Variants in CALHM5 observed in about 807,000 individuals in gnomAD.
CALHM5 encodes the protein calcium homeostasis modulator family member 5, also known as calcium homeostasis modulator protein 5.
Under a neutral mutation model 20.9 loss-of-function variants are expected in CALHM5, and 17 were observed. The observed-to-expected ratio is 0.82, with a 90% CI of 0.56 to 1.22. CALHM5 has a LOEUF of 1.22. Among genes scored for constraint, CALHM5 ranks in the 50% most tolerant of loss-of-function variants. CALHM5 has a pLI of 0.00. For synonymous variants in CALHM5, 148 were observed against 140.0 expected (o/e 1.06, Z -0.40); for missense variants, 360 against 364.6 (o/e 0.99, Z 0.10).
chr6:116,514,567 G>A (rs774608924), intron 1 of CALHM5, among the ~76,000 whole-genome samples: 19 of 152,134 alleles, frequency 1.2e-4, no homozygotes, highest in Admixed American at 3.9e-4. Context: ...AGTAACCCTC[G>A]TTTCACAAGT....
Position 116,516,733 on chromosome 6 carries a change from A to G in CALHM5, c.*744A>G, listed in dbSNP as rs1053427485. Reference sequence around the variant, plus strand: ...TACACACACACAGAAATATATATTTATAACTGCATTGATAAAAGGTGAATA... The same window carrying G: ...TACACACACACAGAAATATATATTTGTAACTGCATTGATAAAAGGTGAATA... On this transcript the variant is annotated 3_prime_UTR_variant, in exon 2 of 2. Coordinates refer to ENST00000368599, the MANE Select transcript of CALHM5 (RefSeq NM_153711.5). 1.4e-5 allele frequency: 2 copies of G among 145,632 alleles called. No individual in the cohort carries two copies. The highest frequency in any genetic ancestry group is 3.0e-5 in the Non-Finnish European group (2 of 66,298). The allele number at this position is 145,632 out of a possible 1,614,324, so 9.0% of individuals were successfully genotyped here. A position where few individuals can be genotyped will look rare whatever the true frequency, so the allele number is the denominator to read the frequency against.
At position 116,516,213 on chromosome 6, in the gene CALHM5, G is replaced by A; in HGVS notation, c.*224G>A. On this transcript the variant is annotated 3_prime_UTR_variant, in exon 2 of 2. Transcript: ENST00000368599. ...AAGGTGCTCTTGCATTGGTGGAGAGGGGCTCAGTAGGCCTAAATGTTGCTC... is the reference window on the plus strand; with the variant it reads ...AAGGTGCTCTTGCATTGGTGGAGAGAGGCTCAGTAGGCCTAAATGTTGCTC... The A allele has an allele frequency of 2.2e-6, 1 of 448,962 alleles. No individual in the cohort carries two copies. The highest frequency in any genetic ancestry group is 4.1e-5 in the Admixed American group (1 of 24,572). 27.8% of individuals were successfully genotyped at this position (448,962 alleles called of 1,614,324 possible).
Position 116,518,803 on chromosome 6 carries a change from T to C in CALHM5, c.*2814T>C, listed in dbSNP as rs1019731738. 2.6e-5 allele frequency: 4 copies of C among 152,264 alleles called. No individual in the cohort carries two copies. The highest frequency in any genetic ancestry group is 9.6e-5 in the African/African-American group (4 of 41,576). The allele number at this position is 152,264 out of a possible 1,614,324, so 9.4% of individuals were successfully genotyped here. On this transcript the variant is annotated 3_prime_UTR_variant, in exon 2 of 2. Transcript: ENST00000368599. ...CTCAAAAAACTTACGCTCATGACAA[T>C]GACTGCCTCATTCAAGAAAACCCAA...
rs1227581544 is a variant in CALHM5 at position 116,512,123 on chromosome 6, A to G, written c.427A>G (p.Lys143Glu). Residue 143 changes from lysine (K) to glutamate (E), a missense_variant, in exon 1 of 2, where the codon AAG (lysine) becomes GAG (glutamate). Physicochemically the swap from Lys to Glu is moderately conservative, Grantham distance 56 (BLOSUM62 1). Coordinates refer to ENST00000368599, the MANE Select transcript of CALHM5 (RefSeq NM_153711.5). Reference protein sequence around the residue: ...RSSGLLELICKGKPKECWEEL... With the variant: ...RSSGLLELICEGKPKECWEEL... The stretch of plus-strand genomic sequence containing the variant: ...TTCAGGACTCCTGGAACTGATTTGC[A>G]AGGGTAAGCCCAAAGAGTGCTGGGA... 10 of 1,613,900 alleles carry G rather than the reference A, an allele frequency of 6.2e-6. No individual in the cohort carries two copies. Among genetic ancestry groups the G allele is most frequent in the Non-Finnish European group, 8.5e-6 (10 of 1,179,998 alleles).
chr6:116,514,547 C>T (rs1480317336), intron 1 of CALHM5, among the ~76,000 whole-genome samples: 1 of 152,180 alleles, frequency 6.6e-6, no homozygotes, highest in Non-Finnish European at 1.5e-5. Flanking sequence ...TCAAATTACC[C>T]TTCAAGGTGA....
At position 116,524,481 on chromosome 6, in the gene CALHM5, G is replaced by A. The variant is rs1562343878; in HGVS notation, c.*8492G>A. Reference sequence around the variant, plus strand: ...CCTGTTGGCCTGTTCTCGAATTGAAGGACAGCTTGTCTGGTTCATACTTTC... The same window carrying A: ...CCTGTTGGCCTGTTCTCGAATTGAAAGACAGCTTGTCTGGTTCATACTTTC... On this transcript the variant is annotated 3_prime_UTR_variant, in exon 2 of 2. Coordinates refer to ENST00000368599, the MANE Select transcript of CALHM5 (RefSeq NM_153711.5). 1 of 152,132 alleles carries A rather than the reference G, an allele frequency of 6.6e-6. No individual in the cohort carries two copies. Among genetic ancestry groups the A allele is most frequent in the Non-Finnish European group, 1.5e-5 (1 of 68,016 alleles). The allele number at this position is 152,132 out of a possible 1,614,324, so 9.4% of individuals were successfully genotyped here. A position where few individuals can be genotyped will look rare whatever the true frequency, so the allele number is the denominator to read the frequency against.
intron 1 of CALHM5, among the ~76,000 whole-genome samples, chr6:116,514,643 C>G (rs772960328): frequency 2.0e-5 from 3 of 152,158 alleles, no homozygotes; most frequent in Non-Finnish European, 4.4e-5. Flanking sequence ...CTGAGTAGTG[C>G]CAGTCCAGAG....
chr6:116,513,083 A>G (rs1030173968), intron 1 of CALHM5, among the ~76,000 whole-genome samples: 3 of 152,198 alleles, frequency 2.0e-5, no homozygotes, highest in African/African-American at 7.2e-5. Flanking sequence ...TTGCATTCCC[A>G]AAAGCAAAAC....
At chr6:116,513,537 T>A (rs13217264) in intron 1 of CALHM5, among the ~76,000 whole-genome samples, 58,161 of 152,052 alleles carry the variant, frequency 0.38, 12,750 homozygotes, top group East Asian at 0.56. Context: ...CAAGGAAATC[T>A]TGCACATCAT....
At chr6:116,514,592 A>G (rs1015372199) in intron 1 of CALHM5, among the ~76,000 whole-genome samples, 1 of 152,222 alleles carries the variant, frequency 6.6e-6, no homozygotes, top group African/African-American at 2.4e-5. Flanking sequence ...AAACTGAGAT[A>G]AAAAGAATAC....
chr6:116,513,827 G>T (rs1346938351), intron 1 of CALHM5, among the ~76,000 whole-genome samples: 3 of 152,214 alleles, frequency 2.0e-5, no homozygotes, highest in Non-Finnish European at 4.4e-5. Context: ...AAGATAGAAT[G>T]GAGTAGTGGA....
In CALHM5 at chr6:116,517,496, G is replaced by T. The variant is rs1297819768; in HGVS notation, c.*1507G>T. ...GTGCTGTGGCTCATACCTTACAGTG[G>T]TAGTCTATGTCTCTTAGTTTGAGAA... On this transcript the variant is annotated 3_prime_UTR_variant, in exon 2 of 2. Coordinates refer to ENST00000368599, the MANE Select transcript of CALHM5 (RefSeq NM_153711.5). The T allele has an allele frequency of 6.6e-6, 1 of 152,096 alleles. No homozygotes were observed. The highest frequency in any genetic ancestry group is 6.6e-5 in the Admixed American group (1 of 15,262). The allele number at this position is 152,096 out of a possible 1,614,324, so 9.4% of individuals were successfully genotyped here.
intron 1 of CALHM5, among the ~76,000 whole-genome samples, chr6:116,513,885 C>T (rs1772172635): frequency 6.6e-6 from 1 of 152,148 alleles, no homozygotes; most frequent in Non-Finnish European, 1.5e-5. Context: ...TATGCTGATG[C>T]TACCAATCAC....
rs1772127545 is a variant in CALHM5 at position 116,511,874 on chromosome 6, T to A, written c.178T>A (p.Trp60Arg). ...GCTGGTTTTCCTCTTTGCTCCTGCC[T>A]GGGTGTTACTGATCCTGGGATTCTT... ...YGLVFLFAPAWVLLILGFFLN... is the reference protein window; with the variant it reads ...YGLVFLFAPARVLLILGFFLN... The change falls in exon 1 of 2, where the codon TGG becomes AGG. Residue 60 changes from tryptophan to arginine, a missense_variant. By Grantham distance (101) the Trp-to-Arg change is moderately radical. Transcript: ENST00000368599. 2 of 1,613,988 alleles carry A rather than the reference T, an allele frequency of 1.2e-6. No individual in the cohort carries two copies. The highest frequency in any genetic ancestry group is 1.7e-6 in the Non-Finnish European group (2 of 1,180,010).
Position 116,519,337 on chromosome 6 carries a change from G to T in CALHM5, c.*3348G>T, listed in dbSNP as rs960285239. 6.6e-6 allele frequency: 1 copy of T among 152,156 alleles called. No individual in the cohort carries two copies. The highest frequency in any genetic ancestry group is 2.4e-5 in the African/African-American group (1 of 41,432). 9.4% of individuals were successfully genotyped at this position (152,156 alleles called of 1,614,324 possible). A position where few individuals can be genotyped will look rare whatever the true frequency, so the allele number is the denominator to read the frequency against. On this transcript the variant is annotated 3_prime_UTR_variant, in exon 2 of 2. Transcript: ENST00000368599. ...ACTTCAGCCTCAGCTTGACCTATGGGGGGGCTCTGGAATGTCAGATTTCTC... is the reference window on the plus strand; with the variant it reads ...ACTTCAGCCTCAGCTTGACCTATGGTGGGGCTCTGGAATGTCAGATTTCTC...
In CALHM5 at chr6:116,517,150, C is replaced by T. The variant is rs1583271818; in HGVS notation, c.*1161C>T. 6.6e-6 allele frequency: 1 copy of T among 152,126 alleles called. No homozygotes were observed. The highest frequency in any genetic ancestry group is 3.4e-3 in the Middle Eastern group (1 of 296). The allele number at this position is 152,126 out of a possible 1,614,324, so 9.4% of individuals were successfully genotyped here. A position where few individuals can be genotyped will look rare whatever the true frequency, so the allele number is the denominator to read the frequency against. ...TTCCTGGAGGCTCCACCTTCATGAC[C>T]CAATTACTTCTCAAGGCTCTGCTTC... On this transcript the variant is annotated 3_prime_UTR_variant, in exon 2 of 2. Transcript: ENST00000368599.
rs1011895051 is a variant in CALHM5 at position 116,524,251 on chromosome 6, C to T, written c.*8262C>T. On this transcript the variant is annotated 3_prime_UTR_variant, in exon 2 of 2. Transcript: ENST00000368599. ...AACTATTGAAGCTGGATGGTAGGTA[C>T]ACGGAATTCATTACATTATTCTCTT... 1.3e-5 allele frequency: 2 copies of T among 152,156 alleles called. No individual in the cohort carries two copies. The highest frequency in any genetic ancestry group is 4.8e-5 in the African/African-American group (2 of 41,432). The allele number at this position is 152,156 out of a possible 1,614,324, so 9.4% of individuals were successfully genotyped here.
rs1051867242 is a variant in CALHM5 at position 116,522,514 on chromosome 6, C to T, written c.*6525C>T. 6.6e-6 allele frequency: 1 copy of T among 152,008 alleles called. No homozygotes were observed. Among genetic ancestry groups the T allele is most frequent in the African/African-American group, 2.4e-5 (1 of 41,382 alleles). 9.4% of individuals were successfully genotyped at this position (152,008 alleles called of 1,614,324 possible). A position where few individuals can be genotyped will look rare whatever the true frequency, so the allele number is the denominator to read the frequency against. Reference sequence around the variant, plus strand: ...TCATGTTTTCTTTTTCTTTAGGTTCCAGTTAGCAGTATAGCATCTACAGCA... The same window carrying T: ...TCATGTTTTCTTTTTCTTTAGGTTCTAGTTAGCAGTATAGCATCTACAGCA... On this transcript the variant is annotated 3_prime_UTR_variant, in exon 2 of 2. Transcript: ENST00000368599.
chr6:116,524,147 A>G lies in CALHM5; in HGVS notation c.*8158A>G, dbSNP rs989361555. On this transcript the variant is annotated 3_prime_UTR_variant, in exon 2 of 2. Coordinates refer to ENST00000368599, the MANE Select transcript of CALHM5 (RefSeq NM_153711.5). The stretch of plus-strand genomic sequence containing the variant: ...TTATGTGTGAACTGCCATGATGTCT[A>G]GAAGTTTCTTTAAAATACTCTAGAA... 11 of 144,294 alleles carry G rather than the reference A, an allele frequency of 7.6e-5. No homozygotes were observed. Among genetic ancestry groups the G allele is most frequent in the African/African-American group, 2.6e-4 (10 of 38,994 alleles). 8.9% of individuals were successfully genotyped at this position (144,294 alleles called of 1,614,324 possible). A position where few individuals can be genotyped will look rare whatever the true frequency, so the allele number is the denominator to read the frequency against.
Sources: gnomAD v4.1 joint callset for allele counts (sites outside exome capture counted in the v4.1 genomes callset) on GRCh38, gnomAD v4.1.1 for gene constraint, MANE v1.5 for transcripts, NCBI Gene and HGNC (gene_info 2026-07-23, HGNC 2026-07-21) for gene names.